Variants in P3H2 observed in about 807,000 individuals in gnomAD.
P3H2 encodes prolyl 3-hydroxylase 2.
P3H2 carries 80 observed loss-of-function variants against 87.0 expected under a neutral mutation model. The observed-to-expected ratio is 0.92, with a 90% CI of 0.77 to 1.11. The LOEUF (loss-of-function observed/expected upper bound fraction) is 1.11, where lower values mean the gene tolerates loss of function less well. Ranked by LOEUF, P3H2 falls within the 50% of genes least tolerant of loss-of-function variation. The pLI is 0.00. For synonymous variants in P3H2, 367 were observed against 359.3 expected (o/e 1.02, Z -0.24); for missense variants, 1,001 against 923.9 (o/e 1.08, Z -1.08).
intron 1 of P3H2, among the ~76,000 whole-genome samples, chr3:190,088,815 T>C (rs905631972): frequency 2.0e-5 from 3 of 152,214 alleles, no homozygotes; most frequent in Admixed American, 6.5e-5. Flanking sequence ...TTATATATAC[T>C]ACAGCCTTGA....
intron 1 of P3H2, among the ~76,000 whole-genome samples, chr3:190,024,127 T>C (rs896992727): frequency 1.3e-4 from 20 of 152,322 alleles, no homozygotes; most frequent in Admixed American, 1.3e-3. Flanking sequence ...ATAAATTAAG[T>C]GTATAAATAA....
intron 1 of P3H2, among the ~76,000 whole-genome samples, chr3:190,097,315 C>T (rs1011013731): frequency 5.3e-5 from 8 of 152,092 alleles, no homozygotes; most frequent in Non-Finnish European, 1.0e-4. Context: ...CCAAAAAAAC[C>T]GCTATGATTT....
At chr3:190,106,378 T>C (rs1000434482) in intron 1 of P3H2, among the ~76,000 whole-genome samples, 1 of 152,154 alleles carries the variant, frequency 6.6e-6, no homozygotes, top group African/African-American at 2.4e-5. Context: ...GTTACTCAGA[T>C]TGAATGGGTC....
intron 1 of P3H2, among the ~76,000 whole-genome samples, chr3:190,119,051 G>A (rs1381442117): frequency 6.6e-6 from 1 of 150,476 alleles, no homozygotes; most frequent in Admixed American, 6.7e-5. Flanking sequence ...GTTGCAGTGA[G>A]CCCAGATTGC....
chr3:189,969,848 G>A, intron 13 of P3H2: 2 of 1,472,628 alleles, frequency 1.4e-6, no homozygotes, highest in South Asian at 2.3e-5. Flanking sequence ...AGTGGTGGTG[G>A]TGCTTGAGGC....
intron 1 of P3H2, among the ~76,000 whole-genome samples, chr3:190,101,368 C>CCAAAAA (rs1711619412): frequency 4.2e-5 from 1 of 23,938 alleles, no homozygotes; most frequent in African/African-American, 1.7e-4. Context: ...ATCATGAACG[C>CCAAAAA]AAAAAAAAAA....
chr3:189,969,500 G>A, intron 13 of P3H2: 2 of 995,516 alleles, frequency 2.0e-6, no homozygotes, highest in Non-Finnish European at 3.2e-6. Context: ...GAGGGACTGA[G>A]GTCTCATACT....
At position 190,021,059 on chromosome 3, in the gene P3H2, C is replaced by G. The variant is rs1377383163; in HGVS notation, c.481-25617G>C. Among the ~76,000 whole-genome samples the G allele has an allele frequency of 3.0e-5, 4 of 134,488 alleles. 1 individual carries two copies. Among genetic ancestry groups the G allele is most frequent in the Non-Finnish European group, 6.6e-5 (4 of 60,330 alleles). The allele number at this position is 134,488 out of a possible 152,430, so 88.2% of individuals were successfully genotyped here. On this transcript the variant is annotated intron_variant, in intron 1 of 14. Transcript: ENST00000319332. ...CCAGGACCCTAAGTAACCATCTTTGCCTTACACCAGGCTAGAGTCCTCTAG... is the reference window on the plus strand; with the variant it reads ...CCAGGACCCTAAGTAACCATCTTTGGCTTACACCAGGCTAGAGTCCTCTAG...
intron 8 of P3H2, among the ~76,000 whole-genome samples, chr3:189,977,198 C>T (rs4687114): frequency 0.53 from 80,616 of 152,046 alleles, 21,988 homozygotes; most frequent in East Asian, 0.8. Flanking sequence ...CTGGAACTTA[C>T]TTCTAAACAG....
intron 1 of P3H2, among the ~76,000 whole-genome samples, chr3:190,067,256 T>C (rs1191752518): frequency 6.6e-6 from 1 of 152,014 alleles, no homozygotes; most frequent in Non-Finnish European, 1.5e-5. Context: ...ACTCAAGGCA[T>C]TCAAGAAATA....
rs146453184 is a variant in P3H2, at chr3:189,979,506, T to C, written c.1324+3540A>G. On this transcript the variant is annotated intron_variant, in intron 8 of 14. Coordinates refer to ENST00000319332, the MANE Select transcript of P3H2 (RefSeq NM_018192.4). Reference sequence around the variant, plus strand: ...ATCCTTCTTTTATAGATAAAAATCATAGGGCCCAGAAAAATTGAGTCACTA... The same window carrying C: ...ATCCTTCTTTTATAGATAAAAATCACAGGGCCCAGAAAAATTGAGTCACTA... Among the ~76,000 whole-genome samples the C allele has an allele frequency of 2.2e-3, 339 of 152,168 alleles. 1 individual carries two copies. Among genetic ancestry groups the C allele is most frequent in the African/African-American group, 7.7e-3 (319 of 41,524 alleles).
intron 1 of P3H2, among the ~76,000 whole-genome samples, chr3:190,054,116 A>G (rs75189913): frequency 0.027 from 4,077 of 152,278 alleles, 200 homozygotes; most frequent in African/African-American, 0.094. Context: ...ATACTCCAAG[A>G]CCACTACTGG....
At chr3:190,006,168 G>C (rs985073700) in intron 1 of P3H2, among the ~76,000 whole-genome samples, 1 of 152,140 alleles carries the variant, frequency 6.6e-6, no homozygotes, top group African/African-American at 2.4e-5. Context: ...TAAACATATC[G>C]AGTAGCATCA....
intron 1 of P3H2, among the ~76,000 whole-genome samples, chr3:190,107,846 T>C (rs1711908983): frequency 6.6e-6 from 1 of 152,230 alleles, no homozygotes; most frequent in South Asian, 2.1e-4. Flanking sequence ...TCAAATTTAT[T>C]CTTAAAACTG....
intron 1 of P3H2, among the ~76,000 whole-genome samples, chr3:190,038,733 A>C (rs1221931497): frequency 6.6e-6 from 1 of 152,208 alleles, no homozygotes; most frequent in Non-Finnish European, 1.5e-5. Flanking sequence ...AATATACCTT[A>C]TAGTTTCCTT....
chr3:190,103,616 C>T (rs1158499500), intron 1 of P3H2, among the ~76,000 whole-genome samples: 1 of 152,128 alleles, frequency 6.6e-6, no homozygotes, highest in African/African-American at 2.4e-5. Context: ...AAAGGGCAGG[C>T]TGGTGGCAAG....
intron 1 of P3H2, among the ~76,000 whole-genome samples, chr3:190,017,443 C>T (rs1724791634): frequency 6.6e-6 from 1 of 152,236 alleles, no homozygotes; most frequent in East Asian, 1.9e-4. Context: ...CACATGGATG[C>T]AAAAGAACTG....
intron 1 of P3H2, among the ~76,000 whole-genome samples, chr3:190,113,800 G>A (rs905997990): frequency 6.6e-5 from 10 of 152,164 alleles, no homozygotes; most frequent in African/African-American, 7.2e-5. Context: ...AAAGGAGGCC[G>A]GGCGCAGTGG....
intron 1 of P3H2, among the ~76,000 whole-genome samples, chr3:189,996,643 T>C (rs1337325853): frequency 1.3e-5 from 2 of 152,196 alleles, no homozygotes; most frequent in African/African-American, 4.8e-5. Context: ...TGATAAGTGT[T>C]TTAGGCAACA....
Sources: allele counts gnomAD v4.1 joint callset (sites outside exome capture counted in the v4.1 genomes callset), GRCh38; gene constraint gnomAD v4.1.1; transcripts MANE v1.5; gene names NCBI Gene and HGNC (gene_info 2026-07-23, HGNC 2026-07-21).